The following CRPPA variants were observed in gnomAD, a reference collection of about 807,000 sequenced individuals.
CRPPA encodes the protein D-ribitol-5-phosphate cytidylyltransferase.
CRPPA carries 43 observed loss-of-function variants against 52.0 expected under a neutral mutation model. That is an observed-to-expected ratio of 0.83 (90% confidence interval 0.65 to 1.07). The LOEUF (loss-of-function observed/expected upper bound fraction) is 1.07, where lower values mean the gene tolerates loss of function less well. Ranked by LOEUF, CRPPA falls within the 50% of genes least tolerant of loss-of-function variation. The probability of loss-of-function intolerance (pLI) is 0.00; values close to 1 mark genes in which losing one functional copy is unlikely to be tolerated. For synonymous variants in CRPPA, 250 were observed against 203.5 expected (o/e 1.23, Z -1.94); for missense variants, 629 against 551.7 (o/e 1.14, Z -1.40).
Position 16,115,446 on chromosome 7 carries a change from C to A in CRPPA, c.1252-23647G>T, listed in dbSNP as rs566964778. ...AGATTATAAATTACATACGAATACA[C>A]TCAGTTACAAATGTAGAAATAGGTA... is the stretch of plus-strand genomic sequence containing the variant. On this transcript the variant is annotated intron_variant, in intron 9 of 9. Coordinates refer to ENST00000407010, the MANE Select transcript of CRPPA (RefSeq NM_001101426.4). 3.3e-5 allele frequency among the ~76,000 whole-genome samples: 5 copies of A among 152,228 alleles called. No individual in the cohort carries two copies. In the East Asian group the frequency reaches 9.7e-4, roughly 29 times the overall value.
intron 3 of CRPPA, among the ~76,000 whole-genome samples, chr7:16,348,851 G>C (rs750940389): frequency 6.6e-6 from 1 of 152,136 alleles, no homozygotes; most frequent in Non-Finnish European, 1.5e-5. Context: ...CATGCACCAA[G>C]TGCCACACTT....
At chr7:16,379,914 A>G (rs1200931119) in intron 2 of CRPPA, among the ~76,000 whole-genome samples, 2 of 152,162 alleles carry the variant, frequency 1.3e-5, no homozygotes, top group African/African-American at 4.8e-5. Flanking sequence ...TTTTCTAGAT[A>G]TACAATCATG....
chr7:16,331,148 C>T (rs548125904), intron 3 of CRPPA, among the ~76,000 whole-genome samples: 11 of 152,092 alleles, frequency 7.2e-5, no homozygotes, highest in South Asian at 4.2e-4. Flanking sequence ...TACAGGCGCA[C>T]GCCACCATGC....
chr7:16,308,400 T>C lies in CRPPA; in HGVS notation c.789+123A>G, dbSNP rs1248296609. On this transcript the variant is annotated intron_variant, in intron 4 of 9. Transcript: ENST00000407010. Reference sequence around the variant, plus strand: ...CAATAGAAGGGATACTACACATTGATGGTTCAGTAAACCCGTGAGACTCCC... The same window carrying C: ...CAATAGAAGGGATACTACACATTGACGGTTCAGTAAACCCGTGAGACTCCC... 4.8e-6 allele frequency: 3 copies of C among 626,064 alleles called. No homozygotes were observed. The African/African-American group carries it at 5.5e-5, about 12-fold the overall frequency. 38.8% of individuals were successfully genotyped at this position (626,064 alleles called of 1,614,324 possible). A position where few individuals can be genotyped will look rare whatever the true frequency, so the allele number is the denominator to read the frequency against.
At chr7:16,229,550 C>T (rs1165609763) in intron 8 of CRPPA, among the ~76,000 whole-genome samples, 5 of 151,976 alleles carry the variant, frequency 3.3e-5, no homozygotes, top group African/African-American at 1.2e-4. Context: ...ACATTTACTT[C>T]ACTCACTCCT....
At chr7:16,281,425 A>AT in intron 5 of CRPPA, among the ~76,000 whole-genome samples, 1 of 152,316 alleles carries the variant, frequency 6.6e-6, no homozygotes, top group Non-Finnish European at 1.5e-5. Context: ...TGTTTTATAG[A>AT]TTTTAACTTC....
chr7:16,240,127 C>T (rs181718133), intron 8 of CRPPA, among the ~76,000 whole-genome samples: 11 of 151,564 alleles, frequency 7.3e-5, no homozygotes, highest in Admixed American at 6.6e-4. Flanking sequence ...GTTACAACAA[C>T]ACCGTCAATT....
At chr7:16,416,208 C>T (rs184253190) in intron 1 of CRPPA, among the ~76,000 whole-genome samples, 95 of 152,154 alleles carry the variant, frequency 6.2e-4, no homozygotes, top group African/African-American at 1.8e-3. Context: ...TAGACACAGA[C>T]CAATGGAACA....
intron 2 of CRPPA, among the ~76,000 whole-genome samples, chr7:16,382,502 G>A (rs947229542): frequency 3.2e-4 from 48 of 152,030 alleles, no homozygotes; most frequent in Non-Finnish European, 6.8e-4. Context: ...GTATCTTTGT[G>A]GCATTCTCTG....
chr7:16,123,945 C>T (rs954880001), intron 9 of CRPPA, among the ~76,000 whole-genome samples: 3 of 152,092 alleles, frequency 2.0e-5, no homozygotes, highest in Admixed American at 2.0e-4. Context: ...TCCATATTGA[C>T]ATTTAAAATA....
intron 9 of CRPPA, among the ~76,000 whole-genome samples, chr7:16,117,463 A>T (rs908936719): frequency 5.3e-5 from 8 of 152,146 alleles, no homozygotes; most frequent in Non-Finnish European, 1.2e-4. Flanking sequence ...TTTGGCCTCT[A>T]GACCTTGGCC....
At chr7:16,191,268 T>C (rs1000487633) in intron 9 of CRPPA, among the ~76,000 whole-genome samples, 3 of 152,108 alleles carry the variant, frequency 2.0e-5, no homozygotes, top group African/African-American at 7.2e-5. Flanking sequence ...AGACCCCCTT[T>C]CAACTTCTGA....
intron 4 of CRPPA, among the ~76,000 whole-genome samples, chr7:16,302,093 G>C (rs1051758169): frequency 1.3e-5 from 2 of 152,004 alleles, no homozygotes; most frequent in Non-Finnish European, 2.9e-5. Context: ...TCAGGAGATC[G>C]AGACCATCTT....
chr7:16,181,935 T>A (rs575055469), intron 9 of CRPPA, among the ~76,000 whole-genome samples: 1 of 152,070 alleles, frequency 6.6e-6, no homozygotes, highest in Non-Finnish European at 1.5e-5. Flanking sequence ...ATAGTTCATA[T>A]ATATACATAT....
At position 16,128,321 on chromosome 7, in the gene CRPPA, T is replaced by C. The variant is rs145575942; in HGVS notation, c.1252-36522A>G. Reference sequence around the variant, plus strand: ...TATTACTTGAGAAAAAAAATAAAGATGTAATTTTATAATTTAAAAAAATTC... The same window carrying C: ...TATTACTTGAGAAAAAAAATAAAGACGTAATTTTATAATTTAAAAAAATTC... On this transcript the variant is annotated intron_variant, in intron 9 of 9. Transcript: ENST00000407010. Among the ~76,000 whole-genome samples, 515 of 152,276 alleles carry C rather than the reference T, an allele frequency of 3.4e-3. 5 individuals carry two copies. Among genetic ancestry groups the C allele is most frequent in the African/African-American group, 0.012 (492 of 41,552 alleles).
intron 2 of CRPPA, among the ~76,000 whole-genome samples, chr7:16,404,465 T>C (rs1157752033): frequency 6.6e-6 from 1 of 152,124 alleles, no homozygotes; most frequent in Admixed American, 6.6e-5. Flanking sequence ...AAAAGACTTC[T>C]TTTGCCTTTT....
rs749447000 is a variant in CRPPA at position 16,376,189 on chromosome 7, T to A, written c.587A>T (p.Asp196Val). 2 of 1,613,254 alleles carry A rather than the reference T, an allele frequency of 1.2e-6. No individual in the cohort carries two copies. Among genetic ancestry groups the A allele is most frequent in the Non-Finnish European group, 1.7e-6 (2 of 1,179,602 alleles). The stretch of plus-strand genomic sequence containing the variant: ...TTCTAGCGAGTAGTCTAAGCAACCA[T>A]CAGCAGATGGACTGACGACAGTAGA... Reference protein sequence around the residue: ...LVSTVVSPSADGCLDYSLERA... With the variant: ...LVSTVVSPSAVGCLDYSLERA... Residue 196 changes from aspartate to valine, a missense_variant, in exon 3 of 10, where the codon GAT becomes GTT. Coordinates refer to ENST00000407010, the MANE Select transcript of CRPPA (RefSeq NM_001101426.4).
intron 8 of CRPPA, among the ~76,000 whole-genome samples, chr7:16,228,850 T>A (rs1333679643): frequency 6.6e-6 from 1 of 151,998 alleles, no homozygotes; most frequent in Non-Finnish European, 1.5e-5. Flanking sequence ...CAACATTCCC[T>A]TATTGGTTTT....
intron 6 of CRPPA, among the ~76,000 whole-genome samples, chr7:16,265,444 C>T (rs879381998): frequency 5.3e-5 from 8 of 152,172 alleles, no homozygotes; most frequent in Admixed American, 2.6e-4. Flanking sequence ...ACATTCAGCC[C>T]GGAAGATCCA....
Sources: allele counts gnomAD v4.1 joint callset (sites outside exome capture counted in the v4.1 genomes callset), GRCh38; gene constraint gnomAD v4.1.1; transcripts MANE v1.5; gene names NCBI Gene and HGNC (gene_info 2026-07-23, HGNC 2026-07-21).